LYPLAL1: variants seen among roughly 807,000 people sequenced by gnomAD.
The protein encoded by LYPLAL1 is lysophospholipase like 1, also known as lysophospholipase-like protein 1.
A neutral mutation model predicts 19.7 loss-of-function variants in LYPLAL1; 23 were observed. The ratio of observed to expected loss-of-function variants is 1.17; its 90% CI spans 0.84 to 1.65. The LOEUF (loss-of-function observed/expected upper bound fraction) is 1.65. LYPLAL1 is among the 40% of genes most tolerant of loss of function. The pLI is 0.00. For synonymous variants in LYPLAL1, 119 were observed against 96.3 expected, an observed-to-expected ratio of 1.24 and a Z score of -1.38; for missense variants, 355 against 279.4, an observed-to-expected ratio of 1.27 and a Z score of -1.93.
the LYPLAL1 span, among the ~76,000 whole-genome samples, chr1:219,438,468 C>A: frequency 0.013 from 2,048 of 152,226 alleles, 28 homozygotes; most frequent in South Asian, 0.021. Context: ...TGTTTTATTC[C>A]TCTTATTGAA....
the LYPLAL1 span, among the ~76,000 whole-genome samples, chr1:219,256,134 TATA>T: frequency 6.6e-6 from 1 of 151,874 alleles, no homozygotes; most frequent in African/African-American, 2.4e-5. Context: ...GAAGAGTTTT[TATA>T]ATAACATATT....
the LYPLAL1 span, among the ~76,000 whole-genome samples, chr1:219,435,984 A>G: frequency 1.3e-5 from 2 of 152,108 alleles, no homozygotes; most frequent in African/African-American, 2.4e-5. Flanking sequence ...ACTAGCCCCA[A>G]TCCTTGTCTA....
chr1:219,226,102 A>G, the LYPLAL1 span, among the ~76,000 whole-genome samples: 1 of 152,150 alleles, frequency 6.6e-6, no homozygotes, highest in Non-Finnish European at 1.5e-5. Flanking sequence ...CATCTTTTAC[A>G]TGTTGGTCCT....
the LYPLAL1 span, among the ~76,000 whole-genome samples, chr1:219,412,433 T>C: frequency 6.6e-3 from 1,005 of 152,340 alleles, 10 homozygotes; most frequent in African/African-American, 0.023. Flanking sequence ...AACATACTAT[T>C]GTTTTTACTA....
chr1:219,399,713 C>T, the LYPLAL1 span, among the ~76,000 whole-genome samples: 2 of 152,158 alleles, frequency 1.3e-5, no homozygotes, highest in African/African-American at 2.4e-5. Context: ...TGCACACAAA[C>T]ACAGACAAGG....
chr1:219,244,715 G>A, the LYPLAL1 span, among the ~76,000 whole-genome samples: 2 of 152,178 alleles, frequency 1.3e-5, no homozygotes, highest in Non-Finnish European at 2.9e-5. Context: ...GGAAGCCGAA[G>A]TAGGCAGATC....
chr1:219,346,176 G>A, the LYPLAL1 span, among the ~76,000 whole-genome samples: 17 of 152,112 alleles, frequency 1.1e-4, no homozygotes, highest in Non-Finnish European at 8.8e-5. Flanking sequence ...GGAGATGAGA[G>A]ATCAGTCTCA....
At chr1:219,185,283 T>C (rs1656635378) in intron 2 of LYPLAL1, among the ~76,000 whole-genome samples, 1 of 151,854 alleles carries the variant, frequency 6.6e-6, no homozygotes, top group East Asian at 1.9e-4. Context: ...TTTTCTCTTT[T>C]TTTTCGTGGT....
chr1:219,326,356 A>G, the LYPLAL1 span, among the ~76,000 whole-genome samples: 122 of 152,258 alleles, frequency 8.0e-4, no homozygotes, highest in African/African-American at 2.8e-3. Context: ...AACAGCCACA[A>G]GAATTTTCTT....
the LYPLAL1 span, among the ~76,000 whole-genome samples, chr1:219,392,420 A>G: frequency 3.9e-5 from 6 of 152,180 alleles, no homozygotes; most frequent in South Asian, 1.0e-3. Flanking sequence ...TTTCTGCTTG[A>G]GTCTAACAGA....
the LYPLAL1 span, among the ~76,000 whole-genome samples, chr1:219,375,175 C>T: frequency 9.2e-5 from 14 of 151,978 alleles, no homozygotes; most frequent in East Asian, 3.9e-4. Flanking sequence ...TACTTTGGTA[C>T]GGCAAAAGAG....
At chr1:219,288,546 G>C in the LYPLAL1 span, among the ~76,000 whole-genome samples, 1 of 152,130 alleles carries the variant, frequency 6.6e-6, no homozygotes, top group African/African-American at 2.4e-5. Flanking sequence ...TCAGGGCAGT[G>C]AAAACACTCT....
At chr1:219,275,241 T>G in the LYPLAL1 span, among the ~76,000 whole-genome samples, 1 of 152,180 alleles carries the variant, frequency 6.6e-6, no homozygotes, top group African/African-American at 2.4e-5. Context: ...AAAATGTCCT[T>G]GGCCCCAGTG....
At chr1:219,253,912 T>C in the LYPLAL1 span, among the ~76,000 whole-genome samples, 1 of 152,004 alleles carries the variant, frequency 6.6e-6, no homozygotes, top group Non-Finnish European at 1.5e-5. Context: ...TGGTTGTTTA[T>C]GTTGCTTTGT....
At chr1:219,229,476 A>G in the LYPLAL1 span, among the ~76,000 whole-genome samples, 1 of 152,212 alleles carries the variant, frequency 6.6e-6, no homozygotes, top group Non-Finnish European at 1.5e-5. Context: ...TCCACTCAAT[A>G]AAACCTTGCA....
chr1:219,226,518 A>T, the LYPLAL1 span, among the ~76,000 whole-genome samples: 1 of 152,158 alleles, frequency 6.6e-6, no homozygotes, highest in Admixed American at 6.5e-5. Context: ...TCAACACAGC[A>T]CATCAAATAG....
the LYPLAL1 span, among the ~76,000 whole-genome samples, chr1:219,388,391 C>T: frequency 6.6e-6 from 1 of 152,088 alleles, no homozygotes; most frequent in Non-Finnish European, 1.5e-5. Context: ...TACACTTATT[C>T]CTCTGCCTCC....
At chr1:219,197,200 G>A (rs1268827537) in intron 3 of LYPLAL1, among the ~76,000 whole-genome samples, 1 of 152,160 alleles carries the variant, frequency 6.6e-6, no homozygotes, top group Non-Finnish European at 1.5e-5. Flanking sequence ...GACAAAGGTG[G>A]AGGCATCATG....
chr1:219,360,324 A>G, the LYPLAL1 span, among the ~76,000 whole-genome samples: 1 of 152,084 alleles, frequency 6.6e-6, no homozygotes, highest in South Asian at 2.1e-4. Context: ...TTTGTCCAGA[A>G]TTTATTGATG....
Sources: allele counts gnomAD v4.1 joint callset (sites outside exome capture counted in the v4.1 genomes callset), GRCh38; gene constraint gnomAD v4.1.1; transcripts MANE v1.5; gene names NCBI Gene and HGNC (gene_info 2026-07-23, HGNC 2026-07-21).